The following NDST1 variants were observed in gnomAD, a reference collection of about 807,000 sequenced individuals.
NDST1 encodes N-deacetylase and N-sulfotransferase 1, also known as bifunctional heparan sulfate N-deacetylase/N-sulfotransferase 1.
NDST1 carries 35 observed loss-of-function variants against 92.8 expected under a neutral mutation model. The ratio of observed to expected loss-of-function variants is 0.38; its 90% CI spans 0.29 to 0.50. The LOEUF is 0.50. NDST1 is among the 20% of genes least tolerant of loss of function. The pLI, the probability that NDST1 is intolerant of heterozygous loss-of-function variation, is 0.94. For missense variants in NDST1, 822 were observed against 1,182.7 expected, an observed-to-expected ratio of 0.69 and a Z score of 4.47; for synonymous variants, 493 against 500.3, an observed-to-expected ratio of 0.99 and a Z score of 0.19.
exon 1 of NDST1, chr5:150,497,975 C>G (rs1753068576): frequency 6.6e-6 from 1 of 152,358 alleles, no homozygotes; most frequent in South Asian, 2.1e-4. Context: ...CATGAGCCCC[C>G]AAAGGTGCAG....
rs1359592612 is a variant in NDST1, at chr5:150,535,670, C to A, written c.1252-30C>A. On this transcript the variant is annotated intron_variant, in intron 5 of 14. Transcript: ENST00000261797. Reference sequence around the variant, plus strand: ...GGCCCAAAGGGGAAGGACCCCTATGCTCACCCTGGCCTGGTCATCCTCTCC... The same window carrying A: ...GGCCCAAAGGGGAAGGACCCCTATGATCACCCTGGCCTGGTCATCCTCTCC... 3 of 1,613,502 alleles carry A rather than the reference C, an allele frequency of 1.9e-6. No homozygotes were observed. In the Admixed American group the frequency reaches 5.0e-5, roughly 27 times the overall value.
At chr5:150,535,049 C>T (rs111964094) in intron 5 of NDST1, 28 bp downstream of exon 5, 23,470 of 1,603,408 alleles carry the variant, frequency 0.015, 248 homozygotes, top group Middle Eastern at 0.02. Context: ...CAGGGCAGAG[C>T]GGGGCGGGCT....
chr5:150,527,763 G>A (rs771319259), intron 2 of NDST1, 41 bp from the exon 3 acceptor site: 10 of 1,609,712 alleles, frequency 6.2e-6, no homozygotes, highest in Non-Finnish European at 8.5e-6. Context: ...GGTTCTGGAT[G>A]TGACAGTTCT....
At chr5:150,514,631 GATAATT>G (rs1753878749) in intron 1 of NDST1, among the ~76,000 whole-genome samples, 1 of 151,278 alleles carries the variant, frequency 6.6e-6, no homozygotes, top group Non-Finnish European at 1.5e-5. Flanking sequence ...TCATAATGAT[GATAATT>G]ATAATGTTGT....
intron 13 of NDST1, 66 bp downstream of exon 13, chr5:150,549,853 A>C (rs1755644557): frequency 2.1e-6 from 2 of 938,812 alleles, no homozygotes; most frequent in Admixed American, 3.6e-5. Context: ...AACAAAGCCA[A>C]AGTCTTGAAT....
upstream of NDST1, chr5:150,507,610 C>T (rs1307956883): frequency 1.3e-5 from 2 of 152,474 alleles, no homozygotes; most frequent in East Asian, 1.9e-4. Flanking sequence ...GGCAGCTGAG[C>T]TGGGTGGGGC....
At chr5:150,514,580 A>AG (rs1266326649) in intron 1 of NDST1, among the ~76,000 whole-genome samples, 1 of 151,906 alleles carries the variant, frequency 6.6e-6, no homozygotes, top group Non-Finnish European at 1.5e-5. Context: ...AAAAAAAAAA[A>AG]AAGTGCTTAG....
intron 2 of NDST1, among the ~76,000 whole-genome samples, chr5:150,525,791 T>C (rs1006169507): frequency 1.3e-5 from 2 of 152,120 alleles, no homozygotes; most frequent in Non-Finnish European, 2.9e-5. Context: ...CTGTGTGTGC[T>C]CCCTGAGCAG....
At chr5:150,534,808 C>G (rs1486069595) in intron 4 of NDST1, 59 bp from the exon 5 acceptor site, 1 of 1,610,074 alleles carries the variant, frequency 6.2e-7, no homozygotes, top group East Asian at 2.2e-5. Flanking sequence ...CAGGCACAGG[C>G]CCAGGTTAGA....
intron 1 of NDST1, among the ~76,000 whole-genome samples, chr5:150,515,868 G>C (rs1159895438): frequency 6.6e-6 from 1 of 152,174 alleles, no homozygotes; most frequent in Non-Finnish European, 1.5e-5. Flanking sequence ...GAGGGTGGCA[G>C]CCTCTGAGTG....
At position 150,539,183 on chromosome 5, in the gene NDST1, C is replaced by T. The variant is rs774079788; in HGVS notation, c.1438-45C>T. The T allele has an allele frequency of 1.3e-5, 20 of 1,512,018 alleles. No individual in the cohort carries two copies. The South Asian group carries it at 1.8e-4, about 14-fold the overall frequency. The allele number at this position is 1,512,018 out of a possible 1,614,324, so 93.7% of individuals were successfully genotyped here. ...TGAGGAAGAGTCCTCCCACCACCCTCATGCCAGAAGGCACCATAGCTCCTC... is the reference window on the plus strand; with the variant it reads ...TGAGGAAGAGTCCTCCCACCACCCTTATGCCAGAAGGCACCATAGCTCCTC... On this transcript the variant is annotated intron_variant, in intron 6 of 14. Coordinates refer to ENST00000261797, the MANE Select transcript of NDST1 (RefSeq NM_001543.5).
Position 150,554,076 on chromosome 5 carries a change from A to G in NDST1, c.*744A>G. 2.5e-6 allele frequency: 1 copy of G among 402,534 alleles called. No individual in the cohort carries two copies. Among genetic ancestry groups the G allele is most frequent in the Non-Finnish European group, 4.4e-6 (1 of 228,240 alleles). 24.9% of individuals were successfully genotyped at this position (402,534 alleles called of 1,614,324 possible). On this transcript the variant is annotated 3_prime_UTR_variant, in exon 15 of 15. Coordinates refer to ENST00000261797, the MANE Select transcript of NDST1 (RefSeq NM_001543.5). ...TGTGTGGTGTTTCCTGTGGTAAAAG[A>G]CTGAGGCAGGCCAGGGGTCTGCCAG... is the stretch of plus-strand genomic sequence containing the variant.
intron 7 of NDST1, chr5:150,539,651 TAC>T: frequency 1.0e-6 from 1 of 985,456 alleles, no homozygotes; most frequent in South Asian, 4.7e-5. Context: ...CATACACAGA[TAC>T]ACACACATAT....
At position 150,540,255 on chromosome 5, in the gene NDST1, G is replaced by A. The variant is rs759495065; in HGVS notation, c.1740G>A (p.Pro580=). 38 of 1,605,140 alleles carry A rather than the reference G, an allele frequency of 2.4e-5. 1 individual carries two copies. The highest frequency in any genetic ancestry group is 1.4e-4 in the South Asian group (13 of 90,366). ...YFQIFSEEKD[P]LWQDPCEDKR... is the part of the protein sequence containing the mutation. ...AGATCTTCTCCGAGGAGAAGGACCC[G>A]CTCTGGCAGGTGGGGGGCTGGGCAG... The change falls in exon 8 of 15, where the codon CCG becomes CCA. Residue 580 remains proline, a synonymous_variant. Transcript: ENST00000261797.
chr5:150,535,961 T>C, intron 6 of NDST1, 76 bp downstream of exon 6: 1 of 1,497,528 alleles, frequency 6.7e-7, no homozygotes, highest in Non-Finnish European at 9.1e-7. Flanking sequence ...TACGCTGTCC[T>C]GGTAAGCACG....
At chr5:150,546,225 T>C (rs1269624599) in intron 11 of NDST1, among the ~76,000 whole-genome samples, 1 of 152,168 alleles carries the variant, frequency 6.6e-6, no homozygotes, top group African/African-American at 2.4e-5. Context: ...CTCAAACTCC[T>C]GACCTCGTGA....
chr5:150,525,134 G>A lies in NDST1; in HGVS notation c.514-2670G>A, dbSNP rs77709207. 0.013 allele frequency among the ~76,000 whole-genome samples: 1,942 copies of A among 152,244 alleles called. 103 individuals are homozygous for A. The East Asian group carries it at 0.15, about 12-fold the overall frequency. On this transcript the variant is annotated intron_variant, in intron 2 of 14. Transcript: ENST00000261797. The stretch of plus-strand genomic sequence containing the variant: ...TTGGAAGACTTGGTGTCTCCGGAGT[G>A]GGTACTCAGTGGTGAGGAGCAAGAG...
At chr5:150,540,693 A>G (rs1218068246) in intron 8 of NDST1, among the ~76,000 whole-genome samples, 1 of 152,100 alleles carries the variant, frequency 6.6e-6, no homozygotes, top group Non-Finnish European at 1.5e-5. Context: ...GTGCGCATCT[A>G]TAGTCCCAGC....
At position 150,556,609 on chromosome 5, in the gene NDST1, A is replaced by G. The variant is rs891525282; in HGVS notation, c.*3277A>G. On this transcript the variant is annotated 3_prime_UTR_variant, in exon 15 of 15. Transcript: ENST00000261797. ...ATTCTTTTTCTCTCTCTGTGTATGT[A>G]TATGTTTTCTCTGTCCTAATTTAAA... 4 of 152,234 alleles carry G rather than the reference A, an allele frequency of 2.6e-5. No homozygotes were observed. The highest frequency in any genetic ancestry group is 6.5e-5 in the Admixed American group (1 of 15,280). The allele number at this position is 152,234 out of a possible 1,614,324, so 9.4% of individuals were successfully genotyped here.
Sources: allele counts gnomAD v4.1 joint callset (sites outside exome capture counted in the v4.1 genomes callset), GRCh38; gene constraint gnomAD v4.1.1; transcripts MANE v1.5; gene names NCBI Gene and HGNC (gene_info 2026-07-23, HGNC 2026-07-21).